NWD2: variants seen among roughly 807,000 people sequenced by gnomAD.
NWD2 encodes the protein NACHT and WD repeat domain-containing protein 2.
NWD2 carries 37 observed loss-of-function variants against 132.7 expected under a neutral mutation model. The ratio of observed to expected loss-of-function variants is 0.28; its 90% CI spans 0.21 to 0.37. The LOEUF is 0.37. NWD2 is among the 10% of genes least tolerant of loss of function. The probability of loss-of-function intolerance (pLI) is 1.00; values close to 1 mark genes in which losing one functional copy is unlikely to be tolerated. For synonymous variants in NWD2, 705 were observed against 803.0 expected, an observed-to-expected ratio of 0.88 and a Z score of 2.06; for missense variants, 1,592 against 2,122.4, an observed-to-expected ratio of 0.75 and a Z score of 4.91.
At chr4:37,351,746 C>G (rs1719769915) in intron 2 of NWD2, among the ~76,000 whole-genome samples, 1 of 152,104 alleles carries the variant, frequency 6.6e-6, no homozygotes, top group South Asian at 2.1e-4. Context: ...TCTTCCTTCT[C>G]TAGTTCTTTT....
intron 1 of NWD2, among the ~76,000 whole-genome samples, chr4:37,258,613 G>T (rs1214190981): frequency 6.6e-6 from 1 of 152,190 alleles, no homozygotes; most frequent in Admixed American, 6.5e-5. Context: ...ATTTGAAAAG[G>T]TCTAGAAACT....
chr4:37,356,166 A>G (rs1264222313), intron 2 of NWD2, among the ~76,000 whole-genome samples, 200 bp from the exon 3 acceptor site: 1 of 152,208 alleles, frequency 6.6e-6, no homozygotes, highest in Admixed American at 6.5e-5. Flanking sequence ...GTATAATCAG[A>G]AACAAAAGAA....
chr4:37,255,720 TG>T (rs1717503907), intron 1 of NWD2, among the ~76,000 whole-genome samples: 1 of 152,158 alleles, frequency 6.6e-6, no homozygotes, highest in Non-Finnish European at 1.5e-5. Context: ...ACTGAGGCCC[TG>T]GGACAATGTA....
At chr4:37,429,021 C>T (rs1712096766) in intron 3 of NWD2, among the ~76,000 whole-genome samples, 1 of 152,166 alleles carries the variant, frequency 6.6e-6, no homozygotes, top group East Asian at 1.9e-4. Context: ...TGTGAGCCAC[C>T]AGGCCCGGCC....
intron 1 of NWD2, among the ~76,000 whole-genome samples, chr4:37,287,347 G>T (rs1018977248): frequency 3.3e-5 from 5 of 152,156 alleles, no homozygotes; most frequent in African/African-American, 1.2e-4. Flanking sequence ...TTTGCGACGG[G>T]GGGCAGCAGC....
chr4:37,410,866 G>C (rs1721140775), intron 3 of NWD2, among the ~76,000 whole-genome samples: 1 of 152,136 alleles, frequency 6.6e-6, no homozygotes, highest in Admixed American at 6.5e-5. Context: ...CAACTACATG[G>C]AAACTGAACA....
At chr4:37,248,597 C>T (rs1717291132) in intron 1 of NWD2, among the ~76,000 whole-genome samples, 1 of 152,202 alleles carries the variant, frequency 6.6e-6, no homozygotes, top group Admixed American at 6.5e-5. Context: ...GCCAGAACAG[C>T]ACTTATAGCT....
At chr4:37,249,621 A>T (rs546890236) in intron 1 of NWD2, among the ~76,000 whole-genome samples, 3 of 152,324 alleles carry the variant, frequency 2.0e-5, no homozygotes, top group East Asian at 1.9e-4. Context: ...CTTCTCCCCT[A>T]AGGAGTAACT....
At chr4:37,441,628 C>G (rs1577703765) in intron 6 of NWD2, among the ~76,000 whole-genome samples, 1 of 152,190 alleles carries the variant, frequency 6.6e-6, no homozygotes, top group East Asian at 1.9e-4. Context: ...GAACAGCTTT[C>G]TGAGCTCTTG....
chr4:37,401,787 GACCTC>G (rs1720900242), intron 3 of NWD2, among the ~76,000 whole-genome samples: 1 of 152,138 alleles, frequency 6.6e-6, no homozygotes, highest in Non-Finnish European at 1.5e-5. Flanking sequence ...CCCATCTTCA[GACCTC>G]TGAACTTCTG....
intron 1 of NWD2, among the ~76,000 whole-genome samples, chr4:37,288,380 A>C (rs1375239309): frequency 6.6e-6 from 1 of 152,224 alleles, no homozygotes; most frequent in Non-Finnish European, 1.5e-5. Context: ...AAGGAAAATT[A>C]ATTTCACACT....
intron 3 of NWD2, among the ~76,000 whole-genome samples, chr4:37,389,160 A>C (rs1720633037): frequency 6.6e-6 from 1 of 152,198 alleles, no homozygotes; most frequent in South Asian, 2.1e-4. Flanking sequence ...GCCATGTGCT[A>C]TTCATGCTGG....
chr4:37,313,596 T>C (rs545776540), intron 1 of NWD2, among the ~76,000 whole-genome samples: 11 of 151,268 alleles, frequency 7.3e-5, no homozygotes, highest in African/African-American at 2.5e-4. Context: ...GATTCATTAA[T>C]TTTTTGAAGG....
At chr4:37,338,098 G>A (rs1445984386) in intron 2 of NWD2, among the ~76,000 whole-genome samples, 1 of 152,210 alleles carries the variant, frequency 6.6e-6, no homozygotes, top group African/African-American at 2.4e-5. Flanking sequence ...TACCTGTGGT[G>A]TTTATGTGCT....
At chr4:37,394,815 T>TG (rs1560411807) in intron 3 of NWD2, among the ~76,000 whole-genome samples, 3 of 126,656 alleles carry the variant, frequency 2.4e-5, no homozygotes, top group Non-Finnish European at 3.3e-5. Context: ...TTTTTTTTTT[T>TG]TTTTTTTTTT....
At chr4:37,268,939 G>A (rs1004747035) in intron 1 of NWD2, among the ~76,000 whole-genome samples, 4 of 151,834 alleles carry the variant, frequency 2.6e-5, no homozygotes, top group African/African-American at 9.7e-5. Flanking sequence ...TTTGACACAT[G>A]GAAATAAATT....
At chr4:37,342,668 A>T (rs1222419147) in intron 2 of NWD2, among the ~76,000 whole-genome samples, 1 of 152,158 alleles carries the variant, frequency 6.6e-6, no homozygotes. Context: ...ATGTTCATTA[A>T]GCCTTCATAG....
chr4:37,278,850 A>T (rs1353383490), intron 1 of NWD2, among the ~76,000 whole-genome samples: 2 of 152,184 alleles, frequency 1.3e-5, no homozygotes, highest in Non-Finnish European at 2.9e-5. Flanking sequence ...TCACCCTTTT[A>T]AACCTCCTTC....
intron 1 of NWD2, among the ~76,000 whole-genome samples, chr4:37,275,689 A>G (rs1191160664): frequency 6.6e-6 from 1 of 152,164 alleles, no homozygotes; most frequent in Non-Finnish European, 1.5e-5. Context: ...CTACAAGGCT[A>G]CAGTAACCAA....
Sources: allele counts gnomAD v4.1 joint callset (sites outside exome capture counted in the v4.1 genomes callset), GRCh38; gene constraint gnomAD v4.1.1; transcripts MANE v1.5; gene names NCBI Gene and HGNC (gene_info 2026-07-23, HGNC 2026-07-21).